Variants in MARCOL observed in about 807,000 individuals in gnomAD.
The protein encoded by MARCOL is MARCO-like protein.
intron 1 of MARCOL, among the ~76,000 whole-genome samples, chr5:148,240,608 G>A (rs963364353): frequency 6.6e-6 from 1 of 151,704 alleles, no homozygotes; most frequent in Admixed American, 6.6e-5. Flanking sequence ...CCATTTACTC[G>A]TGTCACCTGT....
chr5:148,240,269 T>C (rs1755949507), intron 1 of MARCOL, among the ~76,000 whole-genome samples: 1 of 151,884 alleles, frequency 6.6e-6, no homozygotes, highest in Non-Finnish European at 1.5e-5. Context: ...ATGCTCTATA[T>C]GTATTGAGGT....
intron 1 of MARCOL, among the ~76,000 whole-genome samples, chr5:148,241,372 C>T (rs1317676415): frequency 3.2e-5 from 4 of 125,486 alleles, no homozygotes; most frequent in African/African-American, 5.2e-5. Context: ...TTTAAAATTG[C>T]GTATATTGAA....
intron 1 of MARCOL, among the ~76,000 whole-genome samples, chr5:148,240,967 C>T (rs961550795): frequency 6.6e-6 from 1 of 151,950 alleles, no homozygotes; most frequent in Non-Finnish European, 1.5e-5. Context: ...TACTTATTTG[C>T]CCCACTACTA....
chr5:148,239,522 C>A (rs1377349132), intron 1 of MARCOL, among the ~76,000 whole-genome samples: 1 of 151,570 alleles, frequency 6.6e-6, no homozygotes, highest in Non-Finnish European at 1.5e-5. Context: ...GTTTTGAGTA[C>A]AAGAGTGATA....
At chr5:148,241,820 C>G (rs929474339) in intron 1 of MARCOL, among the ~76,000 whole-genome samples, 1 of 151,892 alleles carries the variant, frequency 6.6e-6, no homozygotes, top group East Asian at 1.9e-4. Context: ...AATATAACCA[C>G]CAGAGAGAGC....
chr5:148,243,471 T>C lies in MARCOL; in HGVS notation c.*217T>C. On this transcript the variant is annotated 3_prime_UTR_variant, in exon 2 of 2. Transcript: ENST00000638089. ...TTCTAAGCAGCAGGGGAAGCCAGGATCATCTAGCCAGCAAGGAAATATAGG... is the reference window on the plus strand; with the variant it reads ...TTCTAAGCAGCAGGGGAAGCCAGGACCATCTAGCCAGCAAGGAAATATAGG... The C allele has an allele frequency of 2.6e-6, 1 of 384,640 alleles. No individual in the cohort carries two copies. 23.8% of individuals were successfully genotyped at this position (384,640 alleles called of 1,614,324 possible).
chr5:148,243,194 T>C lies in MARCOL; in HGVS notation c.798T>C (p.Asn266=), dbSNP rs1331510273. Residue 266 remains asparagine (N), a synonymous_variant, in exon 2 of 2, where the codon AAT becomes AAC. Coordinates refer to ENST00000638089, the MANE Select transcript of MARCOL (RefSeq NM_001363511.2). ...TACATTTATCTAGCCAGCAAGGGAA[T>C]CAAGGACCTTCTAGCAAACAGAGGA... ...GNLHLSSQQG[N]QGPSSKQRKP... 1 of 398,020 alleles carries C rather than the reference T, an allele frequency of 2.5e-6. No individual in the cohort carries two copies. Among genetic ancestry groups the C allele is most frequent in the Admixed American group, 4.4e-5 (1 of 22,584 alleles). 24.7% of individuals were successfully genotyped at this position (398,020 alleles called of 1,614,324 possible).
Position 148,242,687 on chromosome 5 carries a change from C to T in MARCOL, c.291C>T (p.Asn97=), listed in dbSNP as rs558085215. Residue 97 remains asparagine, a synonymous_variant, in exon 2 of 2, where the codon AAC becomes AAT. Transcript: ENST00000638089. ...HFKQGRAGVL[N]QPGILKNSGK... is the part of the protein sequence containing the mutation. ...AGCAAGGGAGAGCAGGAGTTTTAAA[C>T]CAGCCTGGGATTTTAAAGAATTCAG... The T allele has an allele frequency of 5.0e-6, 2 of 398,244 alleles. No individual in the cohort carries two copies. The highest frequency in any genetic ancestry group is 8.9e-6 in the Non-Finnish European group (2 of 225,962). 24.7% of individuals were successfully genotyped at this position (398,244 alleles called of 1,614,324 possible). A position where few individuals can be genotyped will look rare whatever the true frequency, so the allele number is the denominator to read the frequency against.
At position 148,243,562 on chromosome 5, in the gene MARCOL, A is replaced by C; in HGVS notation, c.*308A>C. 2 of 286,328 alleles carry C rather than the reference A, an allele frequency of 7.0e-6. No homozygotes were observed. The highest frequency in any genetic ancestry group is 6.4e-6 in the Non-Finnish European group (1 of 155,764). 17.7% of individuals were successfully genotyped at this position (286,328 alleles called of 1,614,324 possible). Reference sequence around the variant, plus strand: ...CAGAGAAAATTAAGGTCATTTTACAACCAACGACAAAGAAAAAATATTGAC... The same window carrying C: ...CAGAGAAAATTAAGGTCATTTTACACCCAACGACAAAGAAAAAATATTGAC... On this transcript the variant is annotated 3_prime_UTR_variant, in exon 2 of 2. Transcript: ENST00000638089.
chr5:148,242,653 G>A lies in MARCOL; in HGVS notation c.257G>A (p.Arg86Lys). 1 of 398,394 alleles carries A rather than the reference G, an allele frequency of 2.5e-6. No individual in the cohort carries two copies. Among genetic ancestry groups the A allele is most frequent in the Non-Finnish European group, 4.4e-6 (1 of 225,972 alleles). 24.7% of individuals were successfully genotyped at this position (398,394 alleles called of 1,614,324 possible). A position where few individuals can be genotyped will look rare whatever the true frequency, so the allele number is the denominator to read the frequency against. The change falls in exon 2 of 2, where the codon AGA becomes AAA. Residue 86 changes from arginine (R) to lysine (K), a missense_variant. By Grantham distance (26) the Arg-to-Lys change is conservative. Coordinates refer to ENST00000638089, the MANE Select transcript of MARCOL (RefSeq NM_001363511.2). ...TATTTTAACAAGCTAGAGAAACCAA[G>A]ACATTTTAAGCAAGGGAGAGCAGGA... is the stretch of plus-strand genomic sequence containing the variant. ...PGYFNKLEKP[R>K]HFKQGRAGVL...
At chr5:148,241,655 C>T (rs539939641) in intron 1 of MARCOL, among the ~76,000 whole-genome samples, 7 of 151,478 alleles carry the variant, frequency 4.6e-5, no homozygotes, top group African/African-American at 1.5e-4. Flanking sequence ...TCTGAAAAAA[C>T]ATAAAACATA....
At chr5:148,239,324 A>G (rs752637183) in intron 1 of MARCOL, among the ~76,000 whole-genome samples, 39 of 152,004 alleles carry the variant, frequency 2.6e-4, no homozygotes, top group Non-Finnish European at 3.8e-4. Flanking sequence ...ATTTCTCAAG[A>G]TAAAAATTAT....
At chr5:148,241,630 C>T (rs1581153801) in intron 1 of MARCOL, among the ~76,000 whole-genome samples, 1 of 151,588 alleles carries the variant, frequency 6.6e-6, no homozygotes, top group South Asian at 2.1e-4. Flanking sequence ...AGATCCTGCT[C>T]ATTATGGAAT....
intron 1 of MARCOL, among the ~76,000 whole-genome samples, chr5:148,239,880 G>A (rs1432694): frequency 0.79 from 119,158 of 151,674 alleles, 50,045 homozygotes; most frequent in Middle Eastern, 0.94. Context: ...TATATATATT[G>A]GAAGATGAAG....
Position 148,243,363 on chromosome 5 carries a change from T to G in MARCOL, c.*109T>G. On this transcript the variant is annotated 3_prime_UTR_variant, in exon 2 of 2. Transcript: ENST00000638089. ...ATCTAGCTATCAAGGGAAGCCAGTGTCATCTAGCCAACAAGGGAAGCCAGT... is the reference window on the plus strand; with the variant it reads ...ATCTAGCTATCAAGGGAAGCCAGTGGCATCTAGCCAACAAGGGAAGCCAGT... The G allele has an allele frequency of 2.5e-6, 1 of 397,780 alleles. No individual in the cohort carries two copies. The highest frequency in any genetic ancestry group is 4.4e-5 in the Admixed American group (1 of 22,628). 24.6% of individuals were successfully genotyped at this position (397,780 alleles called of 1,614,324 possible). A position where few individuals can be genotyped will look rare whatever the true frequency, so the allele number is the denominator to read the frequency against.
intron 1 of MARCOL, among the ~76,000 whole-genome samples, chr5:148,239,132 G>C (rs1755936798): frequency 6.6e-6 from 1 of 151,798 alleles, no homozygotes. Context: ...CTTTCCTATA[G>C]AGTTATTTCG....
At chr5:148,241,553 C>T (rs1554114113) in intron 1 of MARCOL, among the ~76,000 whole-genome samples, 1 of 143,512 alleles carries the variant, frequency 7.0e-6, no homozygotes, top group Non-Finnish European at 1.5e-5. Context: ...GGAAAAGAAG[C>T]ATAGCCCAAT....
At chr5:148,240,923 A>T (rs954805510) in intron 1 of MARCOL, among the ~76,000 whole-genome samples, 1 of 151,948 alleles carries the variant, frequency 6.6e-6, no homozygotes, top group African/African-American at 2.4e-5. Flanking sequence ...TCCTCACGTG[A>T]TAGCATTGAT....
Position 148,242,492 on chromosome 5 carries a change from GAATCCA to G in MARCOL, c.99_104del (p.Asn33_Pro34del). On this transcript the variant is annotated inframe_deletion, in exon 2 of 2. Transcript: ENST00000638089. Reference sequence around the variant, plus strand: ...ATACCAGTGTTTTCAAACTAGAAGAGAATCCAAAACCTGCACTTATTCTGGAGGAAA... The same window carrying G: ...ATACCAGTGTTTTCAAACTAGAAGAGAAACCTGCACTTATTCTGGAGGAAA... 2.5e-6 allele frequency: 1 copy of G among 398,146 alleles called. No homozygotes were observed. The highest frequency in any genetic ancestry group is 4.4e-6 in the Non-Finnish European group (1 of 225,834). 24.7% of individuals were successfully genotyped at this position (398,146 alleles called of 1,614,324 possible). A position where few individuals can be genotyped will look rare whatever the true frequency, so the allele number is the denominator to read the frequency against.
Sources: allele counts gnomAD v4.1 joint callset (sites outside exome capture counted in the v4.1 genomes callset), GRCh38; gene constraint gnomAD v4.1.1; transcripts MANE v1.5; gene names NCBI Gene and HGNC (gene_info 2026-07-23, HGNC 2026-07-21).